The following SYNPR variants were observed in gnomAD, a reference collection of about 807,000 sequenced individuals.
The protein encoded by SYNPR is synaptoporin.
A neutral mutation model predicts 32.9 loss-of-function variants in SYNPR; 23 were observed. That is an observed-to-expected ratio of 0.70 (90% CI 0.50 to 0.99). The LOEUF (loss-of-function observed/expected upper bound fraction) is 0.99. SYNPR is among the 50% of genes least tolerant of loss of function. SYNPR has a pLI of 0.00. For synonymous variants in SYNPR, 146 were observed against 135.9 expected, an observed-to-expected ratio of 1.07 and a Z score of -0.52; for missense variants, 318 against 349.3, an observed-to-expected ratio of 0.91 and a Z score of 0.71.
At chr3:63,294,294 C>G (rs1575589080) in intron 2 of SYNPR, among the ~76,000 whole-genome samples, 1 of 152,048 alleles carries the variant, frequency 6.6e-6, no homozygotes, top group Admixed American at 6.6e-5. Context: ...AGAAGAATTA[C>G]CAAATTACCC....
chr3:63,490,222 G>C (rs1272771515), intron 3 of SYNPR, among the ~76,000 whole-genome samples: 1 of 152,050 alleles, frequency 6.6e-6, no homozygotes, highest in Non-Finnish European at 1.5e-5. Flanking sequence ...AGATTGGGGA[G>C]AGTCTGAGAA....
intron 2 of SYNPR, among the ~76,000 whole-genome samples, chr3:63,442,180 T>A (rs1700190119): frequency 6.7e-6 from 1 of 149,544 alleles, no homozygotes. Context: ...TGTGTGTGTG[T>A]GTGTGTGCAC....
At chr3:63,338,220 A>C (rs2087319074) in intron 2 of SYNPR, among the ~76,000 whole-genome samples, 2 of 152,212 alleles carry the variant, frequency 1.3e-5, no homozygotes, top group African/African-American at 4.8e-5. Flanking sequence ...TCTAGCCTCC[A>C]ATAAATTCTT....
At chr3:63,608,384 A>C (rs1204561369) in intron 4 of SYNPR, among the ~76,000 whole-genome samples, 1 of 152,156 alleles carries the variant, frequency 6.6e-6, no homozygotes, top group African/African-American at 2.4e-5. Context: ...TTTATCTGTG[A>C]GTTTCAGTTT....
chr3:63,280,072 A>T (rs904739164), intron 2 of SYNPR, among the ~76,000 whole-genome samples: 1 of 152,220 alleles, frequency 6.6e-6, no homozygotes, highest in Non-Finnish European at 1.5e-5. Flanking sequence ...GCCTTTAGGG[A>T]AGAAAATAAT....
At chr3:63,563,996 C>T (rs1341020900) in intron 4 of SYNPR, among the ~76,000 whole-genome samples, 1 of 147,490 alleles carries the variant, frequency 6.8e-6, no homozygotes, top group Non-Finnish European at 1.5e-5. Flanking sequence ...AAAAAGACAA[C>T]TCGAGAGCAT....
intron 2 of SYNPR, among the ~76,000 whole-genome samples, chr3:63,306,548 CA>C (rs1206731456): frequency 1.4e-5 from 2 of 148,124 alleles, no homozygotes; most frequent in African/African-American, 5.0e-5. Flanking sequence ...AAAAAAAAAA[CA>C]ATATAAAATT....
chr3:63,278,579 G>T lies in SYNPR; in HGVS notation c.18+28G>T, dbSNP rs13317539. ...GAGACAGAACTGGGCAGGGCGGCTG[G>T]CTGGGAGCAGGGGGCGGGGGATGCC... On this transcript the variant is annotated intron_variant, in intron 1 of 5. Coordinates refer to ENST00000478300, the MANE Select transcript of SYNPR (RefSeq NM_001130003.2). 517 of 1,550,958 alleles carry T rather than the reference G, an allele frequency of 3.3e-4. 3 individuals are homozygous for T. In the African/African-American group the frequency reaches 6.4e-3, roughly 19 times the overall value.
intron 3 of SYNPR, among the ~76,000 whole-genome samples, chr3:63,543,904 C>A (rs1702351581): frequency 6.6e-6 from 1 of 151,912 alleles, no homozygotes; most frequent in Non-Finnish European, 1.5e-5. Context: ...GAGGTTAATC[C>A]AAAGACCTTG....
At chr3:63,275,817 C>T (rs74565081), upstream of SYNPR, among the ~76,000 whole-genome samples, 43,873 of 151,964 alleles carry the variant, frequency 0.29, 7,591 homozygotes, top group Non-Finnish European at 0.39. Flanking sequence ...TAATAATTAT[C>T]GTTATTAAGC....
At chr3:63,287,827 G>A (rs950970135) in intron 2 of SYNPR, among the ~76,000 whole-genome samples, 4 of 152,108 alleles carry the variant, frequency 2.6e-5, no homozygotes, top group African/African-American at 4.8e-5. Flanking sequence ...CATAGGCACC[G>A]CTGTCAAGGA....
upstream of SYNPR, among the ~76,000 whole-genome samples, chr3:63,276,550 T>C (rs1053808110): frequency 6.6e-5 from 10 of 152,172 alleles, no homozygotes; most frequent in African/African-American, 2.4e-4. Flanking sequence ...TTGAAGAGGT[T>C]AAGTAACTTC....
At chr3:63,449,371 T>G (rs1268030373) in intron 2 of SYNPR, among the ~76,000 whole-genome samples, 3 of 152,186 alleles carry the variant, frequency 2.0e-5, no homozygotes, top group African/African-American at 7.2e-5. Context: ...ATGGAACTTC[T>G]AATAGACCAG....
At chr3:63,594,090 T>G (rs191961071) in intron 4 of SYNPR, among the ~76,000 whole-genome samples, 173 of 152,306 alleles carry the variant, frequency 1.1e-3, no homozygotes, top group African/African-American at 4.1e-3. Flanking sequence ...CTTCTTCATT[T>G]GTAAAATAGA....
In SYNPR at chr3:63,604,755, T is replaced by G. The variant is rs1229044919; in HGVS notation, c.409-4370T>G. Among the ~76,000 whole-genome samples, 4 of 152,224 alleles carry G rather than the reference T, an allele frequency of 2.6e-5. 1 individual carries two copies. ...TACTGAGGATGGTAAAAATTTCAAT[T>G]TTAATTACATTATTATTTGATCTAA... On this transcript the variant is annotated intron_variant, in intron 4 of 5. Coordinates refer to ENST00000478300, the MANE Select transcript of SYNPR (RefSeq NM_001130003.2).
chr3:63,258,025 C>A (rs1017740304), intron 2 of SYNPR, among the ~76,000 whole-genome samples: 2 of 152,142 alleles, frequency 1.3e-5, no homozygotes, highest in Non-Finnish European at 2.9e-5. Flanking sequence ...AGCTAACTAT[C>A]CTAAATATAT....
intron 4 of SYNPR, among the ~76,000 whole-genome samples, chr3:63,558,756 G>C (rs1379825015): frequency 1.3e-5 from 2 of 151,844 alleles, no homozygotes; most frequent in Non-Finnish European, 2.9e-5. Context: ...AATACTTAAA[G>C]TCTTAGGATC....
intron 2 of SYNPR, among the ~76,000 whole-genome samples, chr3:63,335,352 CAAAA>C (rs35394118): frequency 1.2e-5 from 1 of 84,940 alleles, no homozygotes; most frequent in Admixed American, 1.3e-4. Context: ...GACTCCGTCT[CAAAA>C]AAAAAAAAAA....
intron 3 of SYNPR, among the ~76,000 whole-genome samples, chr3:63,535,609 A>G (rs558560144): frequency 6.6e-6 from 1 of 152,254 alleles, no homozygotes; most frequent in Non-Finnish European, 1.5e-5. Context: ...AAGAACTGGT[A>G]GTCCATAAAT....
Sources: gnomAD v4.1 joint callset for allele counts (sites outside exome capture counted in the v4.1 genomes callset) on GRCh38, gnomAD v4.1.1 for gene constraint, MANE v1.5 for transcripts, NCBI Gene and HGNC (gene_info 2026-07-23, HGNC 2026-07-21) for gene names.